AMPH: variants seen among roughly 807,000 people sequenced by gnomAD.
AMPH encodes amphiphysin (Stiff-Mann syndrome with breast cancer 128kD autoantigen).
Under a neutral mutation model 99.1 loss-of-function variants are expected in AMPH, and 49 were observed. The ratio of observed to expected loss-of-function variants is 0.49; its 90% CI spans 0.39 to 0.63. The LOEUF (loss-of-function observed/expected upper bound fraction) is 0.63, where lower values mean the gene tolerates loss of function less well. Ranked by LOEUF, AMPH falls within the 20% of genes least tolerant of loss-of-function variation. The probability of loss-of-function intolerance (pLI) is 0.00; values close to 1 mark genes in which losing one functional copy is unlikely to be tolerated. For synonymous variants in AMPH, 314 were observed against 317.3 expected (o/e 0.99, Z 0.11); for missense variants, 759 against 863.4 (o/e 0.88, Z 1.52).
chr7:38,433,567 T>A (rs1475964663), intron 12 of AMPH, among the ~76,000 whole-genome samples: 1 of 144,386 alleles, frequency 6.9e-6, no homozygotes, highest in African/African-American at 2.6e-5. Flanking sequence ...CTACTAAAAA[T>A]ACAAAAAATT....
At position 38,434,628 on chromosome 7, in the gene AMPH, A is replaced by G. The variant is rs1273037306; in HGVS notation, c.1134+1644T>C. ...GTGGCAGGCGCCTGTAGTCCCAACT[A>G]CTCGGGAGGCTGAGGCAGGAGAATG... On this transcript the variant is annotated intron_variant, in intron 12 of 20. Coordinates refer to ENST00000356264, the MANE Select transcript of AMPH (RefSeq NM_001635.4). 2.0e-5 allele frequency among the ~76,000 whole-genome samples: 3 copies of G among 151,914 alleles called. No homozygotes were observed. The East Asian group carries it at 5.8e-4, about 29-fold the overall frequency.
intron 2 of AMPH, among the ~76,000 whole-genome samples, chr7:38,513,271 A>G (rs1789610030): frequency 6.6e-6 from 1 of 152,212 alleles, no homozygotes; most frequent in South Asian, 2.1e-4. Context: ...ATACAACTAT[A>G]TCTAAATTAA....
chr7:38,610,338 GAAA>G (rs56930147), intron 1 of AMPH, among the ~76,000 whole-genome samples: 2 of 21,128 alleles, frequency 9.5e-5, no homozygotes, highest in Admixed American at 5.5e-4. Context: ...AAAGAAAAAA[GAAA>G]AGAAAAGAAA....
At chr7:38,617,547 T>C (rs1350461643) in intron 1 of AMPH, among the ~76,000 whole-genome samples, 1 of 152,218 alleles carries the variant, frequency 6.6e-6, no homozygotes, top group Non-Finnish European at 1.5e-5. Flanking sequence ...CTAGAAAATC[T>C]GAGTCTTCAA....
intron 17 of AMPH, among the ~76,000 whole-genome samples, chr7:38,402,331 C>G (rs990031711): frequency 6.6e-6 from 1 of 152,170 alleles, no homozygotes; most frequent in African/African-American, 2.4e-5. Flanking sequence ...TGCATGTTCT[C>G]TAAAGAAACT....
intron 1 of AMPH, among the ~76,000 whole-genome samples, chr7:38,608,113 C>T (rs117731973): frequency 0.037 from 5,619 of 152,252 alleles, 171 homozygotes; most frequent in Admixed American, 0.079. Context: ...GCTGGGATTA[C>T]AGGCAAGAGC....
intron 1 of AMPH, among the ~76,000 whole-genome samples, chr7:38,624,481 G>T (rs147776019): frequency 6.7e-4 from 102 of 151,198 alleles, no homozygotes; most frequent in African/African-American, 2.2e-3. Flanking sequence ...TGCATCCTCT[G>T]CCCTCCCGGT....
intron 17 of AMPH, among the ~76,000 whole-genome samples, chr7:38,412,806 T>A (rs572739311): frequency 6.6e-6 from 1 of 152,328 alleles, no homozygotes; most frequent in East Asian, 1.9e-4. Flanking sequence ...GTTCTCTGAA[T>A]ACTCACATCT....
intron 5 of AMPH, among the ~76,000 whole-genome samples, chr7:38,481,204 GA>G (rs1246919472): frequency 6.6e-6 from 1 of 151,774 alleles, no homozygotes; most frequent in Non-Finnish European, 1.5e-5. Flanking sequence ...AACTTGGGGG[GA>G]AAACCCAAAT....
chr7:38,592,948 T>C (rs563353666), intron 1 of AMPH, among the ~76,000 whole-genome samples: 3 of 152,278 alleles, frequency 2.0e-5, no homozygotes, highest in African/African-American at 7.2e-5. Flanking sequence ...GGGGCTCTGT[T>C]ATTGTACTGA....
chr7:38,479,544 C>CAA (rs202120642), intron 5 of AMPH, among the ~76,000 whole-genome samples: 1 of 151,238 alleles, frequency 6.6e-6, no homozygotes, highest in Non-Finnish European at 1.5e-5. Context: ...TCATTCAGAG[C>CAA]AAAAAAACAT....
intron 15 of AMPH, among the ~76,000 whole-genome samples, chr7:38,423,686 C>T (rs895408959): frequency 2.0e-4 from 30 of 152,160 alleles, no homozygotes; most frequent in African/African-American, 7.0e-4. Flanking sequence ...GCTAGAAATG[C>T]TGCAAATCAG....
chr7:38,627,498 A>G (rs993487475), intron 1 of AMPH, among the ~76,000 whole-genome samples: 4 of 151,682 alleles, frequency 2.6e-5, no homozygotes, highest in African/African-American at 9.7e-5. Flanking sequence ...TACTAAAAAT[A>G]TAAAAAATTA....
intron 2 of AMPH, among the ~76,000 whole-genome samples, chr7:38,521,174 G>A (rs1423228613): frequency 6.6e-6 from 1 of 151,854 alleles, no homozygotes; most frequent in African/African-American, 2.4e-5. Flanking sequence ...TTCTTAAGAG[G>A]GTATCTTAAG....
In AMPH at chr7:38,424,306, A is replaced by G. The variant is rs577123264; in HGVS notation, c.1216-1829T>C. 2.6e-5 allele frequency among the ~76,000 whole-genome samples: 4 copies of G among 152,360 alleles called. No individual in the cohort carries two copies. The South Asian group carries it at 8.3e-4, about 32-fold the overall frequency. Reference sequence around the variant, plus strand: ...ATCACCAAACATTTGAGAAGTCTCAAATATAAAAGAGAGATGGAATAGAAA... The same window carrying G: ...ATCACCAAACATTTGAGAAGTCTCAGATATAAAAGAGAGATGGAATAGAAA... On this transcript the variant is annotated intron_variant, in intron 15 of 20. Coordinates refer to ENST00000356264, the MANE Select transcript of AMPH (RefSeq NM_001635.4).
In AMPH at chr7:38,515,685, C is replaced by CTGGGTAT. The variant is rs1789712218; in HGVS notation, c.151-11988_151-11982dup. 4.6e-5 allele frequency among the ~76,000 whole-genome samples: 7 copies of CTGGGTAT among 152,112 alleles called. No homozygotes were observed. In the South Asian group the frequency reaches 1.5e-3, roughly 32 times the overall value. ...TGCAAATATGGAAGTAACTTTGGAA[C>CTGGGTAT]TGGGTATTGGGTAGAGGTTGGAAGA... is the stretch of plus-strand genomic sequence containing the variant. On this transcript the variant is annotated intron_variant, in intron 2 of 20. Coordinates refer to ENST00000356264, the MANE Select transcript of AMPH (RefSeq NM_001635.4).
chr7:38,548,565 C>T (rs1791071513), intron 1 of AMPH, among the ~76,000 whole-genome samples: 1 of 151,914 alleles, frequency 6.6e-6, no homozygotes, highest in Non-Finnish European at 1.5e-5. Context: ...GGTTCATTGT[C>T]CCATGCCAAG....
At chr7:38,574,743 A>G (rs1792170446) in intron 1 of AMPH, among the ~76,000 whole-genome samples, 1 of 152,112 alleles carries the variant, frequency 6.6e-6, no homozygotes, top group Non-Finnish European at 1.5e-5. Flanking sequence ...TTATCATTCA[A>G]TACTATTACC....
chr7:38,518,133 A>G (rs940739536), intron 2 of AMPH, among the ~76,000 whole-genome samples: 1 of 152,184 alleles, frequency 6.6e-6, no homozygotes, highest in Non-Finnish European at 1.5e-5. Flanking sequence ...ACATGTTACA[A>G]ATGGTAAGCC....
Sources: gnomAD v4.1 joint callset for allele counts (sites outside exome capture counted in the v4.1 genomes callset) on GRCh38, gnomAD v4.1.1 for gene constraint, MANE v1.5 for transcripts, NCBI Gene and HGNC (gene_info 2026-07-23, HGNC 2026-07-21) for gene names.